Variants in PIP4K2A observed in about 807,000 individuals in gnomAD.
PIP4K2A encodes phosphatidylinositol-5-phosphate 4-kinase type 2 alpha.
In PIP4K2A, 14 loss-of-function variants were observed where a neutral mutation model predicts 42.9. The observed-to-expected ratio is 0.33, with a 90% CI of 0.22 to 0.51. The LOEUF (loss-of-function observed/expected upper bound fraction) is 0.51. PIP4K2A is among the 20% of genes least tolerant of loss of function. The pLI is 0.97. For missense variants in PIP4K2A, 434 were observed against 519.8 expected, an observed-to-expected ratio of 0.83 and a Z score of 1.61; for synonymous variants, 192 against 192.2, an observed-to-expected ratio of 1.00 and a Z score of 0.01.
intron 6 of PIP4K2A, among the ~76,000 whole-genome samples, chr10:22,565,048 G>C (rs968157972): frequency 6.6e-6 from 1 of 151,814 alleles, no homozygotes; most frequent in Non-Finnish European, 1.5e-5. Context: ...ACTCATCACA[G>C]ACAATCAATA....
chr10:22,551,557 T>A (rs1327967565), intron 6 of PIP4K2A, among the ~76,000 whole-genome samples: 1 of 152,222 alleles, frequency 6.6e-6, no homozygotes, highest in African/African-American at 2.4e-5. Context: ...GCAAACAGGA[T>A]AATATAGGCA....
At chr10:22,685,308 A>T (rs2130887991) in intron 1 of PIP4K2A, among the ~76,000 whole-genome samples, 1 of 152,356 alleles carries the variant, frequency 6.6e-6, no homozygotes. Context: ...TTAATGAATC[A>T]TAATACTAAA....
chr10:22,594,242 G>A (rs1025302772), intron 3 of PIP4K2A, among the ~76,000 whole-genome samples: 3 of 152,072 alleles, frequency 2.0e-5, no homozygotes, highest in Non-Finnish European at 4.4e-5. Context: ...CAGACTTACC[G>A]GCACTCATGC....
intron 6 of PIP4K2A, among the ~76,000 whole-genome samples, chr10:22,554,849 C>A (rs915612497): frequency 6.6e-6 from 1 of 152,176 alleles, no homozygotes; most frequent in East Asian, 1.9e-4. Flanking sequence ...GATTCCTGCC[C>A]GGGTCGGGGG....
intron 7 of PIP4K2A, among the ~76,000 whole-genome samples, chr10:22,548,868 A>T (rs1391979441): frequency 1.4e-5 from 2 of 145,602 alleles, no homozygotes; most frequent in Non-Finnish European, 1.5e-5. Context: ...CAACAAAGCA[A>T]GACCCTAGTC....
chr10:22,536,929 T>G lies in PIP4K2A; in HGVS notation c.*272A>C, dbSNP rs1463466642. The G allele has an allele frequency of 1.9e-5, 7 of 370,464 alleles. No individual in the cohort carries two copies. Among genetic ancestry groups the G allele is most frequent in the Non-Finnish European group, 3.3e-5 (7 of 209,930 alleles). 22.9% of individuals were successfully genotyped at this position (370,464 alleles called of 1,614,324 possible). On this transcript the variant is annotated 3_prime_UTR_variant, in exon 10 of 10. Transcript: ENST00000376573. ...GATCTGTTTTAATTAATTTATGACT[T>G]TTAAAATGCACACGCGCGCACACAC...
At chr10:22,547,086 C>T (rs1401944647) in intron 7 of PIP4K2A, among the ~76,000 whole-genome samples, 2 of 152,124 alleles carry the variant, frequency 1.3e-5, no homozygotes, top group African/African-American at 4.8e-5. Context: ...TACAATCTTC[C>T]TTGAGATCTT....
rs140351974 is a variant in PIP4K2A at position 22,555,786 on chromosome 10, G to A, written c.679-5014C>T. Among the ~76,000 whole-genome samples, 26 of 151,582 alleles carry A rather than the reference G, an allele frequency of 1.7e-4. 1 individual carries two copies. Among genetic ancestry groups the A allele is most frequent in the African/African-American group, 5.6e-4 (23 of 41,308 alleles). On this transcript the variant is annotated intron_variant, in intron 6 of 9. Transcript: ENST00000376573. ...AAAAAAAAAAACAATTTATGATGTCGGTAATCTAAACCTGGGGGTCCAATC... is the reference window on the plus strand; with the variant it reads ...AAAAAAAAAAACAATTTATGATGTCAGTAATCTAAACCTGGGGGTCCAATC...
chr10:22,655,742 A>C (rs1177973115), intron 1 of PIP4K2A, among the ~76,000 whole-genome samples: 1 of 152,196 alleles, frequency 6.6e-6, no homozygotes, highest in Non-Finnish European at 1.5e-5. Flanking sequence ...ACATTCCGAC[A>C]TGCATCTGTA....
intron 7 of PIP4K2A, among the ~76,000 whole-genome samples, chr10:22,548,543 GATTA>G (rs1238187116): frequency 2.0e-5 from 3 of 152,156 alleles, no homozygotes; most frequent in Non-Finnish European, 4.4e-5. Flanking sequence ...AGGATTTGCT[GATTA>G]ATCAATAAAA....
At chr10:22,671,872 C>G (rs1384981940) in intron 1 of PIP4K2A, among the ~76,000 whole-genome samples, 2 of 151,636 alleles carry the variant, frequency 1.3e-5, no homozygotes, top group Non-Finnish European at 1.5e-5. Flanking sequence ...CACTAAGAAA[C>G]ACAAAAAATG....
Position 22,573,344 on chromosome 10 carries a change from G to A in PIP4K2A, c.606C>T (p.His202=). ...CGTATTTCCTATACACAGACAAACG[G>A]TGGCTGAATACATTTCTTGTAACTA... The part of the protein sequence containing the change: ...YVIVTRNVFS[H]RLSVYRKYDL... The change falls in exon 5 of 10, where the codon CAC becomes CAT. Residue 202 remains histidine, a synonymous_variant. Coordinates refer to ENST00000376573, the MANE Select transcript of PIP4K2A (RefSeq NM_005028.5). The A allele has an allele frequency of 6.2e-7, 1 of 1,613,776 alleles. No individual in the cohort carries two copies. The highest frequency in any genetic ancestry group is 1.1e-5 in the South Asian group (1 of 91,070).
At chr10:22,599,628 T>C (rs572483294) in intron 3 of PIP4K2A, among the ~76,000 whole-genome samples, 5 of 152,352 alleles carry the variant, frequency 3.3e-5, no homozygotes, top group East Asian at 1.9e-4. Flanking sequence ...AAACGAACAG[T>C]TGGACAAACA....
At chr10:22,649,182 T>C (rs528299078) in intron 1 of PIP4K2A, among the ~76,000 whole-genome samples, 2 of 152,358 alleles carry the variant, frequency 1.3e-5, no homozygotes, top group African/African-American at 4.8e-5. Flanking sequence ...CGCCAGATTC[T>C]AAATGTTCCA....
In PIP4K2A at chr10:22,536,967, A is replaced by AC. The variant is rs1491175259; in HGVS notation, c.*233_*234insG. 6.1e-5 allele frequency: 21 copies of AC among 344,602 alleles called. No homozygotes were observed. The highest frequency in any genetic ancestry group is 2.0e-4 in the African/African-American group (9 of 44,766). The allele number at this position is 344,602 out of a possible 1,614,324, so 21.3% of individuals were successfully genotyped here. ...CGCGCGCACACACTCACCCCCCCCC[A>AC]ACACACACACACACACATATACACA... On this transcript the variant is annotated 3_prime_UTR_variant, in exon 10 of 10. Coordinates refer to ENST00000376573, the MANE Select transcript of PIP4K2A (RefSeq NM_005028.5).
intron 1 of PIP4K2A, among the ~76,000 whole-genome samples, chr10:22,614,824 A>C (rs1232762941): frequency 6.6e-6 from 1 of 152,210 alleles, no homozygotes; most frequent in Non-Finnish European, 1.5e-5. Flanking sequence ...TACCCAAACT[A>C]AAATATATTG....
At chr10:22,687,799 CTG>C (rs1397191158) in intron 1 of PIP4K2A, among the ~76,000 whole-genome samples, 1 of 152,146 alleles carries the variant, frequency 6.6e-6, no homozygotes, top group East Asian at 1.9e-4. Context: ...TTTAAAAAAT[CTG>C]TATTATTCTC....
chr10:22,567,824 TG>T, intron 6 of PIP4K2A, 26 bp downstream of exon 6: 1 of 1,590,698 alleles, frequency 6.3e-7, no homozygotes, highest in African/African-American at 1.3e-5. Context: ...CCCCAGGACA[TG>T]GGGAGACATA....
chr10:22,635,903 A>C (rs565661462), intron 1 of PIP4K2A, among the ~76,000 whole-genome samples: 19 of 152,358 alleles, frequency 1.2e-4, no homozygotes, highest in Admixed American at 1.2e-3. Context: ...AAGTCGACTT[A>C]GGGTACGTAG....
Sources: gnomAD v4.1 joint callset for allele counts (sites outside exome capture counted in the v4.1 genomes callset) on GRCh38, gnomAD v4.1.1 for gene constraint, MANE v1.5 for transcripts, NCBI Gene and HGNC (gene_info 2026-07-23, HGNC 2026-07-21) for gene names.